Variants in BBC3 observed in about 807,000 individuals in gnomAD.
BBC3 encodes the protein bcl-2-binding component 3.
In BBC3, 5 loss-of-function variants were observed where a neutral mutation model predicts 18.2. The observed-to-expected ratio is 0.27, with a 90% confidence interval of 0.14 to 0.58. BBC3 has a LOEUF of 0.58. Among genes scored for constraint, BBC3 ranks in the 20% least tolerant of loss-of-function variants. The pLI is 0.91. For missense variants in BBC3, 224 were observed against 268.9 expected, an observed-to-expected ratio of 0.83 and a Z score of 1.17; for synonymous variants, 119 against 128.0, an observed-to-expected ratio of 0.93 and a Z score of 0.47.
chr19:47,225,799 G>C (rs1393213649), intron 3 of BBC3, among the ~76,000 whole-genome samples: 1 of 152,136 alleles, frequency 6.6e-6, no homozygotes, highest in Non-Finnish European at 1.5e-5. Flanking sequence ...CCCTGGTTCT[G>C]GCCTGGTAAA....
chr19:47,223,041 C>T (rs908772687), intron 3 of BBC3, among the ~76,000 whole-genome samples: 7 of 150,032 alleles, frequency 4.7e-5, no homozygotes, highest in South Asian at 2.1e-4. Flanking sequence ...GAGGCCGAGG[C>T]GGGCGGATTA....
At position 47,231,140 on chromosome 19, in the gene BBC3, C is replaced by T. The variant is rs2058909244; in HGVS notation, c.-227G>A. The T allele has an allele frequency of 3.1e-6, 3 of 979,366 alleles. No homozygotes were observed. Among genetic ancestry groups the T allele is most frequent in the South Asian group, 4.7e-5 (1 of 21,208 alleles). 60.7% of individuals were successfully genotyped at this position (979,366 alleles called of 1,614,324 possible). A position where few individuals can be genotyped will look rare whatever the true frequency, so the allele number is the denominator to read the frequency against. Reference sequence around the variant, plus strand: ...TCCGCGTCGTGGCCGCTGCTGGGATCGCTGGTGCCGCCGCCGCCGCCGCCA... The same window carrying T: ...TCCGCGTCGTGGCCGCTGCTGGGATTGCTGGTGCCGCCGCCGCCGCCGCCA... On this transcript the variant is annotated 5_prime_UTR_variant, in exon 1 of 4. Transcript: ENST00000439096. The surrounding 1 kb of genome is among the most constrained non-coding windows in gnomAD (Gnocchi z 4.0).
In BBC3 at chr19:47,228,593, A is replaced by T. The variant is rs2058869904; in HGVS notation, c.-15-147T>A. 4 of 841,412 alleles carry T rather than the reference A, an allele frequency of 4.8e-6. No homozygotes were observed. The highest frequency in any genetic ancestry group is 6.3e-6 in the Non-Finnish European group (4 of 633,786). 52.1% of individuals were successfully genotyped at this position (841,412 alleles called of 1,614,324 possible). On this transcript the variant is annotated intron_variant, in intron 1 of 3. Transcript: ENST00000439096. The surrounding 1 kb of genome is among the most constrained non-coding windows in gnomAD (Gnocchi z 5.5). ...GTGACGGCCCCACAGAGACACGCCC[A>T]GCCGGGGGATGACACCACCGGGTCC... is the stretch of plus-strand genomic sequence containing the variant.
intron 3 of BBC3, 41 bp downstream of exon 3, chr19:47,226,523 C>G: frequency 2.7e-6 from 4 of 1,485,154 alleles, no homozygotes; most frequent in Non-Finnish European, 3.6e-6. Context: ...CCTCCTCCGG[C>G]GGAAGTCCCA....
In BBC3 at chr19:47,226,594, C is replaced by G; in HGVS notation, c.435G>C (p.Ala145=). The part of the protein sequence containing the change: ...REIGAQLRRM[A]DDLNAQYERR... ...GCTCGTACTGTGCGTTGAGGTCGTC[C>G]GCCATCCGCCGCAGCTGGGCCCCGA... The change falls in exon 3 of 4, where the codon GCG becomes GCC. Residue 145 remains alanine (A), a synonymous_variant. Coordinates refer to ENST00000439096, the MANE Select transcript of BBC3 (RefSeq NM_014417.5). 6.3e-7 allele frequency: 1 copy of G among 1,581,570 alleles called. No homozygotes were observed. The highest frequency in any genetic ancestry group is 8.6e-7 in the Non-Finnish European group (1 of 1,166,294).
At chr19:47,223,230 C>T (rs2123360174) in intron 3 of BBC3, among the ~76,000 whole-genome samples, 1 of 150,812 alleles carries the variant, frequency 6.6e-6, no homozygotes, top group East Asian at 2.0e-4. Flanking sequence ...GAGATGGCGC[C>T]ACTGCACTCC....
At chr19:47,225,170 C>G (rs1326785537) in intron 3 of BBC3, among the ~76,000 whole-genome samples, 2 of 152,116 alleles carry the variant, frequency 1.3e-5, no homozygotes, top group Non-Finnish European at 2.9e-5. Flanking sequence ...CTCAGCCTCC[C>G]AAAGTGCTGG....
At chr19:47,227,928 G>C (rs1326269455) in intron 2 of BBC3, among the ~76,000 whole-genome samples, 1 of 152,096 alleles carries the variant, frequency 6.6e-6, no homozygotes, top group African/African-American at 2.4e-5. Context: ...GCTGCAATTC[G>C]GGGACTGCAG....
At chr19:47,223,963 C>G in intron 3 of BBC3, among the ~76,000 whole-genome samples, 1 of 152,164 alleles carries the variant, frequency 6.6e-6, no homozygotes, top group South Asian at 2.1e-4. Flanking sequence ...AACACAAGAG[C>G]GCACCCGGAA....
intron 3 of BBC3, 123 bp from the exon 4 acceptor site, chr19:47,222,041 C>T (rs145749398): frequency 4.6e-5 from 39 of 854,152 alleles, no homozygotes; most frequent in Non-Finnish European, 5.5e-5. Context: ...CTCCTCCCCC[C>T]GCCTGGGCTA....
At chr19:47,224,398 G>A (rs1158953738) in intron 3 of BBC3, among the ~76,000 whole-genome samples, 4 of 152,164 alleles carry the variant, frequency 2.6e-5, no homozygotes, top group Non-Finnish European at 5.9e-5. Context: ...CAAGGCAGGA[G>A]GATCACTTGA....
rs764089253 is a variant in BBC3, at chr19:47,221,716, A to G, written c.*86T>C. ...GTCCAGTATGCTACATGGTGCAGAGAAAGTCCCCCGCGCTGGCCAGGGTGT... is the reference window on the plus strand; with the variant it reads ...GTCCAGTATGCTACATGGTGCAGAGGAAGTCCCCCGCGCTGGCCAGGGTGT... On this transcript the variant is annotated 3_prime_UTR_variant, in exon 4 of 4. Transcript: ENST00000439096. 23 of 1,593,054 alleles carry G rather than the reference A, an allele frequency of 1.4e-5. No homozygotes were observed. Among genetic ancestry groups the G allele is most frequent in the Non-Finnish European group, 2.0e-5 (23 of 1,173,636 alleles).
At chr19:47,227,714 G>A (rs2058853422) in intron 2 of BBC3, among the ~76,000 whole-genome samples, 1 of 151,570 alleles carries the variant, frequency 6.6e-6, no homozygotes, top group Non-Finnish European at 1.5e-5. Context: ...TTCCTCCGCC[G>A]GGACTGCTGA....
intron 2 of BBC3, among the ~76,000 whole-genome samples, chr19:47,227,822 C>T (rs1266565720): frequency 6.6e-6 from 1 of 152,206 alleles, no homozygotes; most frequent in Non-Finnish European, 1.5e-5. Flanking sequence ...GGCCCACTCT[C>T]CCTGCAACAG....
chr19:47,231,583 C>T (rs1157964911), upstream of BBC3, among the ~76,000 whole-genome samples: 1 of 152,148 alleles, frequency 6.6e-6, no homozygotes, highest in East Asian at 1.9e-4. This position sits in a 1 kb window ranked among gnomAD's most constrained non-coding sequence, Gnocchi z 4.0. Context: ...GCAGGCAGAG[C>T]CCAGAGGATG....
chr19:47,230,926 C>T lies in BBC3; in HGVS notation c.-16+3G>A. ...GGAGAGGATTCGGGGCGCGCACACT[C>T]ACCCCGGGGGCATGAACACGCCGGA... On this transcript the variant is annotated splice_donor_region_variant and intron_variant, in intron 1 of 3. Transcript: ENST00000439096. The surrounding 1 kb of genome is among the most constrained non-coding windows in gnomAD (Gnocchi z 6.7). The T allele has an allele frequency of 2.0e-6, 2 of 983,688 alleles. No individual in the cohort carries two copies. The highest frequency in any genetic ancestry group is 2.4e-6 in the Non-Finnish European group (2 of 828,410). The allele number at this position is 983,688 out of a possible 1,614,324, so 60.9% of individuals were successfully genotyped here.
Position 47,221,938 on chromosome 19 carries a change from G to A in BBC3, c.466-20C>T, listed in dbSNP as rs1184769266. 9.5e-6 allele frequency: 15 copies of A among 1,584,958 alleles called. No individual in the cohort carries two copies. The highest frequency in any genetic ancestry group is 1.3e-5 in the Non-Finnish European group (15 of 1,164,268). On this transcript the variant is annotated intron_variant, in intron 3 of 3. Coordinates refer to ENST00000439096, the MANE Select transcript of BBC3 (RefSeq NM_014417.5). ...TTGTCTCTGGGGAAAAGAGAGAGAA[G>A]GGGCAGTTAGCAGGGGACTGAGTAT...
intron 3 of BBC3, among the ~76,000 whole-genome samples, chr19:47,223,423 T>C (rs2058774984): frequency 2.0e-5 from 3 of 151,240 alleles, no homozygotes. Context: ...AAAAATTAGC[T>C]GGGCCTGGTG....
chr19:47,228,131 C>T lies in BBC3; in HGVS notation c.274+27G>A. 8.1e-7 allele frequency: 1 copy of T among 1,227,230 alleles called. No individual in the cohort carries two copies. Among genetic ancestry groups the T allele is most frequent in the Non-Finnish European group, 1.0e-6 (1 of 983,862 alleles). The allele number at this position is 1,227,230 out of a possible 1,614,324, so 76.0% of individuals were successfully genotyped here. On this transcript the variant is annotated intron_variant, in intron 2 of 3. Coordinates refer to ENST00000439096, the MANE Select transcript of BBC3 (RefSeq NM_014417.5). The surrounding 1 kb of genome is among the most constrained non-coding windows in gnomAD (Gnocchi z 5.5). ...AGCCCTCTCTCTTCCCGGCTCCTAT[C>T]ACCCCGGGGGCGGGGCGGGCACTCA... is the stretch of plus-strand genomic sequence containing the variant.
Sources: gnomAD v4.1 joint callset for allele counts (sites outside exome capture counted in the v4.1 genomes callset) on GRCh38, gnomAD v4.1.1 for gene constraint, Gnocchi (gnomAD v3.1) non-coding constraint, MANE v1.5 for transcripts, NCBI Gene and HGNC (gene_info 2026-07-23, HGNC 2026-07-21) for gene names.